MYH10: variants seen among roughly 807,000 people sequenced by gnomAD.
The protein encoded by MYH10 is myosin heavy chain 10.
MYH10 carries 55 observed loss-of-function variants against 257.8 expected under a neutral mutation model. The observed-to-expected ratio is 0.21, with a 90% CI of 0.17 to 0.27. MYH10 has a LOEUF of 0.27. MYH10 is among the 10% of genes least tolerant of loss of function. MYH10 has a pLI of 1.00. For missense variants in MYH10, 1,631 were observed against 2,500.6 expected, an observed-to-expected ratio of 0.65 and a Z score of 7.42; for synonymous variants, 854 against 921.7, an observed-to-expected ratio of 0.93 and a Z score of 1.33.
chr17:8,514,884 C>T (rs531716435), intron 21 of MYH10, among the ~76,000 whole-genome samples: 131 of 152,316 alleles, frequency 8.6e-4, no homozygotes, highest in African/African-American at 3.0e-3. Flanking sequence ...AAGTGCCTGG[C>T]ACGCTGCACT....
chr17:8,485,609 TAAAAA>T (rs1217059836), intron 36 of MYH10, among the ~76,000 whole-genome samples: 1 of 151,854 alleles, frequency 6.6e-6, no homozygotes, highest in East Asian at 1.9e-4. Context: ...ATTAGAGAAA[TAAAAA>T]TAAAAGCCAC....
intron 7 of MYH10, among the ~76,000 whole-genome samples, chr17:8,566,397 G>C (rs2083168860): frequency 6.6e-6 from 1 of 152,188 alleles, no homozygotes; most frequent in South Asian, 2.1e-4. Context: ...GGCAGAGTGT[G>C]TAACTTCTGT....
chr17:8,498,932 G>A (rs1917103709), intron 30 of MYH10, among the ~76,000 whole-genome samples: 2 of 152,184 alleles, frequency 1.3e-5, no homozygotes, highest in South Asian at 2.1e-4. Flanking sequence ...CTTTGCCAAT[G>A]TGAAGTATAA....
intron 34 of MYH10, among the ~76,000 whole-genome samples, chr17:8,491,927 C>G (rs1915835688): frequency 6.6e-6 from 1 of 152,212 alleles, no homozygotes; most frequent in Non-Finnish European, 1.5e-5. Flanking sequence ...ATTCCCTCCT[C>G]CTCCTCTCCA....
chr17:8,509,864 T>C lies in MYH10; in HGVS notation c.3038A>G (p.Lys1013Arg), dbSNP rs1456938968. The C allele has an allele frequency of 6.2e-7, 1 of 1,613,056 alleles. No individual in the cohort carries two copies. The highest frequency in any genetic ancestry group is 1.7e-5 in the Admixed American group (1 of 59,850). ...GAGAAGCAGAATCTCCTCTTCCATCTTCTTGATCTTGGCCTCTGCTGTCAC... is the reference window on the plus strand; with the variant it reads ...GAGAAGCAGAATCTCCTCTTCCATCCTCTTGATCTTGGCCTCTGCTGTCAC... Reference protein sequence around the residue: ...EKVTAEAKIKKMEEEILLLED... With the variant: ...EKVTAEAKIKRMEEEILLLED... The change falls in exon 25 of 43, where the codon AAG (lysine) becomes AGG (arginine). Residue 1013 changes from lysine (K) to arginine (R), a missense_variant. Lys to Arg is a conservative substitution (Grantham distance 26). This residue lies in a region of MYH10 where 169 missense variants were observed against 249.8 expected (regional missense o/e 0.68). Coordinates refer to ENST00000360416, the MANE Select transcript of MYH10 (RefSeq NM_001256012.3).
At chr17:8,481,716 T>TTAA (rs1333032639) in intron 37 of MYH10, among the ~76,000 whole-genome samples, 15 of 152,246 alleles carry the variant, frequency 9.9e-5, no homozygotes, top group Admixed American at 7.2e-4. Context: ...CTGGTGCTTC[T>TTAA]TAATATAAAC....
Position 8,558,205 on chromosome 17 carries a change from C to G in MYH10, c.757-4187G>C, listed in dbSNP as rs546799014. Among the ~76,000 whole-genome samples, 14 of 152,234 alleles carry G rather than the reference C, an allele frequency of 9.2e-5. No individual in the cohort carries two copies. The East Asian group carries it at 2.7e-3, about 29-fold the overall frequency. On this transcript the variant is annotated intron_variant, in intron 7 of 42. Transcript: ENST00000360416. ...GAGATAGGCTAAACAAATAAGCACTCTACACAAATAATATAATTATTGGCA... is the reference window on the plus strand; with the variant it reads ...GAGATAGGCTAAACAAATAAGCACTGTACACAAATAATATAATTATTGGCA...
At chr17:8,519,045 T>C in intron 19 of MYH10, 95 bp from the exon 20 acceptor site, 2 of 880,422 alleles carry the variant, frequency 2.3e-6, no homozygotes, top group South Asian at 3.3e-5. Flanking sequence ...AATAAAATGT[T>C]GGGTAATACA....
At chr17:8,530,590 G>A in intron 17 of MYH10, 33 bp downstream of exon 17, 1 of 1,395,360 alleles carries the variant, frequency 7.2e-7, no homozygotes, top group Non-Finnish European at 9.5e-7. Flanking sequence ...AAACCCTTCT[G>A]TTTTGGAAGA....
At chr17:8,592,187 T>C (rs899983852) in intron 3 of MYH10, among the ~76,000 whole-genome samples, 5 of 152,192 alleles carry the variant, frequency 3.3e-5, no homozygotes, top group Non-Finnish European at 7.3e-5. Context: ...CCATGTTGAA[T>C]CAAATCATTT....
chr17:8,484,281 G>T lies in MYH10; in HGVS notation c.5047-15C>A. 1 of 1,598,794 alleles carries T rather than the reference G, an allele frequency of 6.3e-7. No individual in the cohort carries two copies. The highest frequency in any genetic ancestry group is 8.5e-7 in the Non-Finnish European group (1 of 1,175,862). On this transcript the variant is annotated splice_polypyrimidine_tract_variant and intron_variant, in intron 36 of 42. Coordinates refer to ENST00000360416, the MANE Select transcript of MYH10 (RefSeq NM_001256012.3). ...TTCATCTGAGCCTAAGATTAAATAA[G>T]AAGGTTTTGGGGTGGTTTACATTCT... is the stretch of plus-strand genomic sequence containing the variant.
chr17:8,617,687 G>C (rs1194048612), intron 2 of MYH10, among the ~76,000 whole-genome samples: 1 of 152,070 alleles, frequency 6.6e-6, no homozygotes, highest in African/African-American at 2.4e-5. Flanking sequence ...TTGAAGCAAT[G>C]ATCATAATAT....
chr17:8,592,933 C>CCATATATATACATATATA (rs1555612260), intron 3 of MYH10, among the ~76,000 whole-genome samples: 1 of 44,712 alleles, frequency 2.2e-5, no homozygotes, highest in Non-Finnish European at 4.5e-5. Context: ...TCAAATCCAG[C>CCATATATATACATATATA]TATATATATA....
chr17:8,592,724 C>A (rs1261898786), intron 3 of MYH10, among the ~76,000 whole-genome samples: 1 of 136,778 alleles, frequency 7.3e-6, no homozygotes, highest in Non-Finnish European at 1.5e-5. Flanking sequence ...ATAAATAACA[C>A]CAATTCTATA....
At chr17:8,606,447 A>T (rs1176919324) in intron 2 of MYH10, among the ~76,000 whole-genome samples, 1 of 152,206 alleles carries the variant, frequency 6.6e-6, no homozygotes, top group Non-Finnish European at 1.5e-5. Flanking sequence ...GCAAGAGGAC[A>T]TGAAAAAAGG....
At chr17:8,618,196 C>T (rs1180501553) in intron 2 of MYH10, among the ~76,000 whole-genome samples, 1 of 151,774 alleles carries the variant, frequency 6.6e-6, no homozygotes, top group Non-Finnish European at 1.5e-5. Context: ...TTTCAGATAA[C>T]CATGGATATT....
intron 14 of MYH10, among the ~76,000 whole-genome samples, chr17:8,536,975 A>G (rs2082160712): frequency 6.6e-6 from 1 of 152,184 alleles, no homozygotes; most frequent in Admixed American, 6.5e-5. Context: ...TTGTGAATAT[A>G]CTACAAACAT....
chr17:8,539,669 C>T (rs2151941550), intron 14 of MYH10, among the ~76,000 whole-genome samples: 1 of 152,194 alleles, frequency 6.6e-6, no homozygotes, highest in Admixed American at 6.5e-5. Context: ...ATCACTGTAG[C>T]CTCCAACTCA....
intron 4 of MYH10, among the ~76,000 whole-genome samples, chr17:8,578,750 A>G (rs2083593146): frequency 1.3e-5 from 2 of 152,130 alleles, no homozygotes; most frequent in African/African-American, 4.8e-5. Context: ...CCTCTGCTCA[A>G]ACACTGAAGC....
Sources: gnomAD v4.1 joint callset for allele counts (sites outside exome capture counted in the v4.1 genomes callset) on GRCh38, gnomAD v4.1.1 for gene constraint, gnomAD v4.1.1 regional missense constraint, MANE v1.5 for transcripts, NCBI Gene and HGNC (gene_info 2026-07-23, HGNC 2026-07-21) for gene names.